The following MYO3B variants were observed in gnomAD, a reference collection of about 807,000 sequenced individuals.
The protein encoded by MYO3B is myosin-IIIb.
Under a neutral mutation model 174.6 loss-of-function variants are expected in MYO3B, and 156 were observed. The observed-to-expected ratio is 0.89, with a 90% CI of 0.78 to 1.02. The LOEUF is 1.02. MYO3B is among the 50% of genes least tolerant of loss of function. The probability of loss-of-function intolerance (pLI) is 0.00; values close to 1 mark genes in which losing one functional copy is unlikely to be tolerated. For synonymous variants in MYO3B, 563 were observed against 569.1 expected (o/e 0.99, Z 0.15); for missense variants, 1,632 against 1,639.4 (o/e 1.00, Z 0.08).
At chr2:170,358,661 G>A (rs1400171993) in intron 8 of MYO3B, among the ~76,000 whole-genome samples, 1 of 152,154 alleles carries the variant, frequency 6.6e-6, no homozygotes, top group Non-Finnish European at 1.5e-5. Context: ...AGTTTTTGCT[G>A]ATTTTCTTGC....
At chr2:170,268,102 T>C (rs145879287) in intron 7 of MYO3B, among the ~76,000 whole-genome samples, 2,248 of 152,110 alleles carry the variant, frequency 0.015, 63 homozygotes, top group African/African-American at 0.05. Flanking sequence ...CCCAGCTACT[T>C]GGGAGGCTGA....
intron 32 of MYO3B, among the ~76,000 whole-genome samples, chr2:170,638,679 C>T (rs1326816975): frequency 6.6e-6 from 1 of 152,172 alleles, no homozygotes; most frequent in Non-Finnish European, 1.5e-5. Flanking sequence ...GCATGTCTCT[C>T]ACTGCACACA....
chr2:170,569,474 G>C (rs1387426189), intron 32 of MYO3B, among the ~76,000 whole-genome samples: 1 of 151,396 alleles, frequency 6.6e-6, no homozygotes, highest in Non-Finnish European at 1.5e-5. Context: ...TTCCTTCCTG[G>C]AATCTTGTGA....
At chr2:170,436,200 G>A (rs963439982) in intron 22 of MYO3B, among the ~76,000 whole-genome samples, 5 of 152,182 alleles carry the variant, frequency 3.3e-5, no homozygotes, top group African/African-American at 1.2e-4. Context: ...GCAGTTTTGA[G>A]AAGCACAGAA....
chr2:170,501,328 TC>T (rs1312264167), intron 27 of MYO3B, among the ~76,000 whole-genome samples: 1 of 152,158 alleles, frequency 6.6e-6, no homozygotes, highest in Non-Finnish European at 1.5e-5. Flanking sequence ...CTCCGCTCTT[TC>T]TCTTCTTCAA....
At chr2:170,557,296 T>C (rs534345055) in intron 32 of MYO3B, among the ~76,000 whole-genome samples, 28 of 152,118 alleles carry the variant, frequency 1.8e-4, no homozygotes, top group Non-Finnish European at 2.8e-4. Context: ...CCCACCACCA[T>C]GCCCAGCTAA....
chr2:170,650,872 C>T (rs904156251), intron 32 of MYO3B, among the ~76,000 whole-genome samples: 2 of 150,924 alleles, frequency 1.3e-5, no homozygotes, highest in Admixed American at 6.6e-5. Flanking sequence ...TTAGTAGAGA[C>T]GGGGTTTCAC....
chr2:170,636,155 G>A (rs769846742), intron 32 of MYO3B, among the ~76,000 whole-genome samples: 4 of 152,042 alleles, frequency 2.6e-5, no homozygotes, highest in African/African-American at 7.2e-5. Flanking sequence ...TGTGTGTTAC[G>A]ATCTCTCGCC....
In MYO3B at chr2:170,341,802, G is replaced by T. The variant is rs559631321; in HGVS notation, c.815+6352G>T. Among the ~76,000 whole-genome samples the T allele has an allele frequency of 9.2e-5, 14 of 152,200 alleles. No individual in the cohort carries two copies. In the South Asian group the frequency reaches 2.9e-3, roughly 32 times the overall value. On this transcript the variant is annotated intron_variant, in intron 8 of 34. Coordinates refer to ENST00000408978, the MANE Select transcript of MYO3B (RefSeq NM_138995.5). ...AATAAAGCTATGTGTGAACTTCAAG[G>T]TTATATCTCCCTGAAGAGCGTCTAA...
chr2:170,214,954 C>T, intron 5 of MYO3B, 126 bp downstream of exon 5: 1 of 692,604 alleles, frequency 1.4e-6, no homozygotes, highest in Non-Finnish European at 2.5e-6. Context: ...TCCAGTCAAA[C>T]ACAAGCTGGA....
chr2:170,352,411 A>G (rs2094080946), intron 8 of MYO3B, among the ~76,000 whole-genome samples: 2 of 152,258 alleles, frequency 1.3e-5, no homozygotes, highest in African/African-American at 4.8e-5. Flanking sequence ...GGGTCTACAG[A>G]AAATTTAATC....
chr2:170,525,799 T>C lies in MYO3B; in HGVS notation c.3575+6259T>C, dbSNP rs1331469268. Among the ~76,000 whole-genome samples, 10 of 152,350 alleles carry C rather than the reference T, an allele frequency of 6.6e-5. No homozygotes were observed. In the East Asian group the frequency reaches 1.3e-3, roughly 21 times the overall value. On this transcript the variant is annotated intron_variant, in intron 30 of 34. Coordinates refer to ENST00000408978, the MANE Select transcript of MYO3B (RefSeq NM_138995.5). ...CAGCCTCCCAGTCAGCAGGGCCGAC[T>C]GTGGGCCAGATTTTCATGTGGGCTG...
intron 8 of MYO3B, chr2:170,345,061 G>A (rs966883915): frequency 6.6e-6 from 1 of 152,198 alleles, no homozygotes; most frequent in African/African-American, 2.4e-5. Context: ...CCAGCTTCTT[G>A]CCTGCTCTTC....
intron 32 of MYO3B, among the ~76,000 whole-genome samples, chr2:170,563,097 TTCTC>T (rs372040060): frequency 5.7e-4 from 57 of 100,482 alleles, no homozygotes; most frequent in Middle Eastern, 0.011. Flanking sequence ...CATACACTCT[TTCTC>T]TCTCTCTCTC....
chr2:170,621,467 T>A (rs746417924), intron 32 of MYO3B, among the ~76,000 whole-genome samples: 1 of 152,068 alleles, frequency 6.6e-6, no homozygotes, highest in Non-Finnish European at 1.5e-5. Context: ...CTACAACTTA[T>A]ATGAAGCCTT....
chr2:170,291,717 T>TTTTA (rs1186697960), intron 7 of MYO3B, among the ~76,000 whole-genome samples: 5 of 151,680 alleles, frequency 3.3e-5, no homozygotes, highest in Non-Finnish European at 7.4e-5. Flanking sequence ...TGACAGGTTT[T>TTTTA]TTTTATTTTC....
chr2:170,563,307 A>G (rs1691865983), intron 32 of MYO3B, among the ~76,000 whole-genome samples: 1 of 151,846 alleles, frequency 6.6e-6, no homozygotes, highest in Non-Finnish European at 1.5e-5. Context: ...CCAAGGACCA[A>G]TGAGAGTAAA....
intron 32 of MYO3B, among the ~76,000 whole-genome samples, chr2:170,637,142 C>T (rs1697566900): frequency 1.4e-5 from 2 of 147,762 alleles, no homozygotes; most frequent in Non-Finnish European, 3.0e-5. Flanking sequence ...TATAGCTATA[C>T]TGATCAGGTA....
At chr2:170,324,040 G>A (rs1222783503) in intron 7 of MYO3B, among the ~76,000 whole-genome samples, 2 of 152,084 alleles carry the variant, frequency 1.3e-5, no homozygotes, top group South Asian at 2.1e-4. Context: ...AAAGAGCTTC[G>A]AATCACGTGG....
Sources: gnomAD v4.1 joint callset for allele counts (sites outside exome capture counted in the v4.1 genomes callset) on GRCh38, gnomAD v4.1.1 for gene constraint, MANE v1.5 for transcripts, NCBI Gene and HGNC (gene_info 2026-07-23, HGNC 2026-07-21) for gene names.